Variants in EXOC6B observed in about 807,000 individuals in gnomAD.
The protein encoded by EXOC6B is exocyst complex component 6B.
A neutral mutation model predicts 113.5 loss-of-function variants in EXOC6B; 54 were observed. That is an observed-to-expected ratio of 0.48 (90% CI 0.38 to 0.60). The LOEUF (loss-of-function observed/expected upper bound fraction) is 0.60. Among genes scored for constraint, EXOC6B ranks in the 20% least tolerant of loss-of-function variants. The probability of loss-of-function intolerance (pLI) is 0.00; values close to 1 mark genes in which losing one functional copy is unlikely to be tolerated. For synonymous variants in EXOC6B, 357 were observed against 339.0 expected, an observed-to-expected ratio of 1.05 and a Z score of -0.58; for missense variants, 797 against 977.5, an observed-to-expected ratio of 0.82 and a Z score of 2.46.
At chr2:72,267,604 G>A (rs1684213891) in intron 20 of EXOC6B, among the ~76,000 whole-genome samples, 1 of 152,166 alleles carries the variant, frequency 6.6e-6, no homozygotes, top group Non-Finnish European at 1.5e-5. Context: ...CAGGGATGAA[G>A]CCCACTTGAT....
chr2:72,717,126 T>C (rs1349847020), intron 6 of EXOC6B, among the ~76,000 whole-genome samples: 2 of 152,164 alleles, frequency 1.3e-5, no homozygotes, highest in African/African-American at 4.8e-5. Context: ...AGTATAACAC[T>C]GACAAAATTT....
chr2:72,745,371 C>A (rs1681625996), intron 1 of EXOC6B, among the ~76,000 whole-genome samples: 1 of 152,006 alleles, frequency 6.6e-6, no homozygotes. Flanking sequence ...ATCTTAGGAC[C>A]ATTATGATTG....
At chr2:72,454,164 T>C (rs558192634) in intron 18 of EXOC6B, among the ~76,000 whole-genome samples, 1 of 152,298 alleles carries the variant, frequency 6.6e-6, no homozygotes, top group East Asian at 1.9e-4. Flanking sequence ...GTATCAAAGA[T>C]ACTAAAGTGA....
chr2:72,501,723 A>G (rs1409462091), intron 11 of EXOC6B, among the ~76,000 whole-genome samples: 2 of 149,094 alleles, frequency 1.3e-5, no homozygotes, highest in Admixed American at 6.7e-5. Context: ...AAAAACAACA[A>G]CAACCAAAAA....
intron 20 of EXOC6B, among the ~76,000 whole-genome samples, chr2:72,270,066 T>A: frequency 6.6e-6 from 1 of 152,190 alleles, no homozygotes; most frequent in East Asian, 1.9e-4. Flanking sequence ...TATCTTCCCA[T>A]CATCACTGGT....
intron 18 of EXOC6B, among the ~76,000 whole-genome samples, chr2:72,432,204 T>A (rs1695579138): frequency 6.6e-6 from 1 of 152,022 alleles, no homozygotes; most frequent in Non-Finnish European, 1.5e-5. Context: ...ATCTGGCTAA[T>A]TTTTTGTATT....
intron 6 of EXOC6B, among the ~76,000 whole-genome samples, chr2:72,641,846 T>C (rs1258112476): frequency 1.3e-5 from 2 of 152,186 alleles, no homozygotes; most frequent in Non-Finnish European, 2.9e-5. Flanking sequence ...AGGGTACCCC[T>C]CTGGGACGAA....
intron 18 of EXOC6B, among the ~76,000 whole-genome samples, chr2:72,413,479 T>C (rs1694315790): frequency 6.7e-6 from 1 of 150,102 alleles, no homozygotes; most frequent in Admixed American, 6.6e-5. Flanking sequence ...CGAGGTCAGA[T>C]CGAGACCATC....
intron 20 of EXOC6B, among the ~76,000 whole-genome samples, chr2:72,312,862 T>G (rs1258244856): frequency 6.6e-6 from 1 of 151,452 alleles, no homozygotes; most frequent in Non-Finnish European, 1.5e-5. Context: ...TTTTTTCATT[T>G]TACATTGGGG....
At chr2:72,587,625 C>CA (rs1393624779) in intron 6 of EXOC6B, among the ~76,000 whole-genome samples, 1 of 151,710 alleles carries the variant, frequency 6.6e-6, no homozygotes, top group Non-Finnish European at 1.5e-5. Context: ...TTATCTTTAA[C>CA]AAAAAATACA....
intron 20 of EXOC6B, chr2:72,288,665 T>G (rs1347878510): frequency 6.6e-6 from 1 of 150,730 alleles, no homozygotes; most frequent in African/African-American, 2.5e-5. Flanking sequence ...AGTACAAAAC[T>G]GGCCAACTAA....
intron 8 of EXOC6B, among the ~76,000 whole-genome samples, chr2:72,532,030 G>C (rs1424995331): frequency 1.3e-5 from 2 of 152,076 alleles, no homozygotes; most frequent in African/African-American, 4.8e-5. Context: ...ATAGCAGCTT[G>C]ATTTGCTATA....
intron 11 of EXOC6B, among the ~76,000 whole-genome samples, chr2:72,510,365 T>C (rs1274521300): frequency 6.6e-6 from 1 of 151,836 alleles, no homozygotes; most frequent in East Asian, 1.9e-4. Flanking sequence ...TTTTCATTTC[T>C]TAAGAACTTG....
chr2:72,734,922 C>T (rs1680854390), intron 2 of EXOC6B, among the ~76,000 whole-genome samples: 1 of 152,182 alleles, frequency 6.6e-6, no homozygotes, highest in African/African-American at 2.4e-5. Flanking sequence ...ATAAACCAAA[C>T]TTAAACAATG....
At chr2:72,313,388 A>G (rs895130478) in intron 20 of EXOC6B, among the ~76,000 whole-genome samples, 1 of 152,208 alleles carries the variant, frequency 6.6e-6, no homozygotes. Flanking sequence ...AAAGTTAAAA[A>G]AATTCATTAC....
Position 72,522,846 on chromosome 2 carries a change from A to G in EXOC6B, c.916-7720T>C, listed in dbSNP as rs141489859. Among the ~76,000 whole-genome samples, 4 of 152,332 alleles carry G rather than the reference A, an allele frequency of 2.6e-5. No individual in the cohort carries two copies. The East Asian group carries it at 7.7e-4, about 29-fold the overall frequency. ...CATATTCTATATACTCTTTTCATTG[A>G]ACTTTGCATACAAAAATCTGTTCTC... On this transcript the variant is annotated intron_variant, in intron 8 of 21. Transcript: ENST00000272427.
chr2:72,535,629 T>A (rs1282566485), intron 8 of EXOC6B, among the ~76,000 whole-genome samples: 1 of 152,030 alleles, frequency 6.6e-6, no homozygotes, highest in African/African-American at 2.4e-5. Context: ...TTCAAGCACT[T>A]TGGGAGGCTG....
chr2:72,529,005 A>C (rs1320648271), intron 8 of EXOC6B, among the ~76,000 whole-genome samples: 1 of 152,048 alleles, frequency 6.6e-6, no homozygotes, highest in Non-Finnish European at 1.5e-5. Context: ...ACACAGTTGT[A>C]TTTCTTCCTT....
At chr2:72,477,423 A>G (rs978740284) in intron 17 of EXOC6B, among the ~76,000 whole-genome samples, 1 of 152,164 alleles carries the variant, frequency 6.6e-6, no homozygotes, top group African/African-American at 2.4e-5. Context: ...TGTACCTTCA[A>G]AAATATTTCT....
Sources: gnomAD v4.1 joint callset for allele counts (sites outside exome capture counted in the v4.1 genomes callset) on GRCh38, gnomAD v4.1.1 for gene constraint, MANE v1.5 for transcripts, NCBI Gene and HGNC (gene_info 2026-07-23, HGNC 2026-07-21) for gene names.